EFCAB5: variants seen among roughly 807,000 people sequenced by gnomAD.
The protein encoded by EFCAB5 is EF-hand calcium-binding domain-containing protein 5.
In EFCAB5, 131 loss-of-function variants were observed where a neutral mutation model predicts 167.9. That is an observed-to-expected ratio of 0.78 (90% CI 0.68 to 0.90). The LOEUF (loss-of-function observed/expected upper bound fraction) is 0.90, where lower values mean the gene tolerates loss of function less well. EFCAB5 is among the 40% of genes least tolerant of loss of function. The pLI, the probability that EFCAB5 is intolerant of heterozygous loss-of-function variation, is 0.00. For synonymous variants in EFCAB5, 574 were observed against 602.8 expected, an observed-to-expected ratio of 0.95 and a Z score of 0.70; for missense variants, 1,663 against 1,745.2, an observed-to-expected ratio of 0.95 and a Z score of 0.84.
chr17:30,018,284 A>T (rs572574214), intron 7 of EFCAB5, among the ~76,000 whole-genome samples: 1 of 152,118 alleles, frequency 6.6e-6, no homozygotes, highest in East Asian at 1.9e-4. Context: ...AAAACACTGG[A>T]AAAAAAGAAA....
chr17:30,035,306 A>G (rs1029010231), intron 8 of EFCAB5, among the ~76,000 whole-genome samples: 2 of 152,196 alleles, frequency 1.3e-5, no homozygotes, highest in African/African-American at 2.4e-5. Context: ...TTTAACACCA[A>G]TTCGTGTGCT....
At chr17:29,990,179 C>A (rs1471329217) in intron 4 of EFCAB5, among the ~76,000 whole-genome samples, 4 of 152,116 alleles carry the variant, frequency 2.6e-5, no homozygotes, top group Non-Finnish European at 4.4e-5. Context: ...TTACCAACTC[C>A]AACTATGTTA....
rs1390620267 is a variant in EFCAB5 at position 30,094,525 on chromosome 17, A to AT, written c.4321+1589_4321+1590insT. ...GTCTCTCCAAAAAAAAAAAAAAAAAAAAAAAAAAATAACTGGGTGTGGTGG... is the reference window on the plus strand; with the variant it reads ...GTCTCTCCAAAAAAAAAAAAAAAAAATAAAAAAAAATAACTGGGTGTGGTGG... On this transcript the variant is annotated intron_variant, in intron 22 of 22. Coordinates refer to ENST00000394835, the MANE Select transcript of EFCAB5 (RefSeq NM_198529.4). Among the ~76,000 whole-genome samples, 7 of 150,484 alleles carry AT rather than the reference A, an allele frequency of 4.7e-5. No individual in the cohort carries two copies. In the South Asian group the frequency reaches 1.3e-3, roughly 27 times the overall value.
chr17:29,956,734 A>G (rs2067623257), intron 3 of EFCAB5, among the ~76,000 whole-genome samples: 1 of 152,206 alleles, frequency 6.6e-6, no homozygotes, highest in African/African-American at 2.4e-5. Context: ...AAAAGAGCAC[A>G]TACTCTGTGA....
intron 14 of EFCAB5, among the ~76,000 whole-genome samples, chr17:30,067,457 AAATAAT>A (rs994083061): frequency 2.6e-5 from 4 of 151,908 alleles, no homozygotes; most frequent in Non-Finnish European, 5.9e-5. Flanking sequence ...TCTATTTAAA[AAATAAT>A]AATAATAATA....
At chr17:30,085,651 C>T (rs1435191687) in intron 18 of EFCAB5, among the ~76,000 whole-genome samples, 1 of 149,464 alleles carries the variant, frequency 6.7e-6, no homozygotes, top group Non-Finnish European at 1.5e-5. Context: ...CCGGAAGAGG[C>T]AGAGCTTGCA....
intron 3 of EFCAB5, among the ~76,000 whole-genome samples, chr17:29,952,664 AT>A (rs2067535821): frequency 6.6e-6 from 1 of 152,136 alleles, no homozygotes; most frequent in Admixed American, 6.5e-5. Flanking sequence ...ATAGTATGAA[AT>A]TTTTTATGAA....
chr17:30,072,961 T>G (rs1470840514), intron 14 of EFCAB5: 1 of 486,846 alleles, frequency 2.1e-6, no homozygotes, highest in Non-Finnish European at 3.6e-6. Flanking sequence ...ATATTATCAC[T>G]ATTTGTTTTG....
chr17:29,965,118 T>C (rs897917920), intron 3 of EFCAB5, among the ~76,000 whole-genome samples: 1 of 152,092 alleles, frequency 6.6e-6, no homozygotes, highest in Non-Finnish European at 1.5e-5. Flanking sequence ...TTATCCAGTA[T>C]GGTCTCGGTC....
chr17:29,950,763 G>A (rs2067493078), intron 3 of EFCAB5: 1 of 152,146 alleles, frequency 6.6e-6, no homozygotes, highest in African/African-American at 2.4e-5. Flanking sequence ...CAAAATATGT[G>A]TTAATCAACT....
intron 12 of EFCAB5, among the ~76,000 whole-genome samples, chr17:30,057,397 A>G (rs1212562225): frequency 6.6e-6 from 1 of 152,218 alleles, no homozygotes; most frequent in African/African-American, 2.4e-5. Flanking sequence ...ATTGGCCTAT[A>G]GTAGGTTACA....
intron 22 of EFCAB5, among the ~76,000 whole-genome samples, chr17:30,104,784 C>G (rs970947733): frequency 6.6e-5 from 10 of 151,940 alleles, no homozygotes; most frequent in African/African-American, 2.2e-4. Flanking sequence ...CTGGAAAGGA[C>G]AGGGAAACAG....
chr17:30,056,341 C>T (rs2070266699), intron 12 of EFCAB5, among the ~76,000 whole-genome samples, 185 bp downstream of exon 12: 1 of 152,154 alleles, frequency 6.6e-6, no homozygotes, highest in African/African-American at 2.4e-5. Context: ...TGGTGATGTA[C>T]TATTGATGGT....
intron 10 of EFCAB5, among the ~76,000 whole-genome samples, chr17:30,055,118 C>T (rs1220380080): frequency 1.3e-5 from 2 of 151,672 alleles, no homozygotes; most frequent in Non-Finnish European, 2.9e-5. Flanking sequence ...AGCAACATGG[C>T]GAAACGCCAT....
upstream of EFCAB5, among the ~76,000 whole-genome samples, chr17:29,937,123 A>T (rs1162402853): frequency 1.3e-5 from 2 of 152,214 alleles, no homozygotes; most frequent in Non-Finnish European, 2.9e-5. Flanking sequence ...TCCAAGATCC[A>T]TCCACCTTCT....
rs767613577 is a variant in EFCAB5 at position 30,087,105 on chromosome 17, C to T, written c.3622C>T (p.Leu1208=). 2 of 1,613,472 alleles carry T rather than the reference C, an allele frequency of 1.2e-6. No individual in the cohort carries two copies. The highest frequency in any genetic ancestry group is 1.1e-5 in the South Asian group (1 of 91,072). Residue 1208 remains leucine, a synonymous_variant, in exon 19 of 23, where the codon CTG becomes TTG. Coordinates refer to ENST00000394835, the MANE Select transcript of EFCAB5 (RefSeq NM_198529.4). ...VLRNMMVTGQ[L]GLTEIHKNPP... is the part of the protein sequence containing the mutation. ...ACGCAACATGATGGTTACAGGGCAG[C>T]TGGGTCTAACAGAAATCCACAAAAA...
At chr17:30,005,151 T>A (rs2068749796) in intron 7 of EFCAB5, among the ~76,000 whole-genome samples, 1 of 152,188 alleles carries the variant, frequency 6.6e-6, no homozygotes. Context: ...GTTATACTGA[T>A]TTATTCTCCT....
intron 3 of EFCAB5, among the ~76,000 whole-genome samples, chr17:29,951,563 G>A (rs1445317406): frequency 2.0e-5 from 3 of 151,174 alleles, no homozygotes; most frequent in Admixed American, 2.0e-4. Flanking sequence ...CACCATGTTA[G>A]CCAGGATGGT....
intron 10 of EFCAB5, among the ~76,000 whole-genome samples, chr17:30,055,247 T>G (rs1217536774): frequency 6.6e-6 from 1 of 151,400 alleles, no homozygotes; most frequent in Non-Finnish European, 1.5e-5. Context: ...AAGCCATGAT[T>G]GCACCACTGC....
Sources: allele counts gnomAD v4.1 joint callset (sites outside exome capture counted in the v4.1 genomes callset), GRCh38; gene constraint gnomAD v4.1.1; transcripts MANE v1.5; gene names NCBI Gene and HGNC (gene_info 2026-07-23, HGNC 2026-07-21).